RRAGB: variants seen among roughly 807,000 people sequenced by gnomAD.
The protein encoded by RRAGB is ras-related GTP-binding protein B.
A neutral mutation model predicts 29.3 loss-of-function variants in RRAGB; 6 were observed. That is an observed-to-expected ratio of 0.21 (90% CI 0.11 to 0.40). The LOEUF is 0.40. Among genes scored for constraint, RRAGB ranks in the 10% least tolerant of loss-of-function variants. RRAGB has a pLI of 1.00. For synonymous variants in RRAGB, 101 were observed against 92.5 expected, an observed-to-expected ratio of 1.09 and a Z score of -0.53; for missense variants, 184 against 272.9, an observed-to-expected ratio of 0.67 and a Z score of 2.29.
At chrX:55,737,736 C>T (rs1264758690) in intron 5 of RRAGB, among the ~76,000 whole-genome samples, 1 of 112,762 alleles carries the variant, frequency 8.9e-6, no homozygotes, top group African/African-American at 3.2e-5. Context: ...CGCATCTGGT[C>T]TAGCCGCCTT....
chrX:55,719,463 GGTCT>G (rs1449627057), intron 2 of RRAGB, 116 bp downstream of exon 2: 7 of 481,854 alleles, frequency 1.5e-5, no homozygotes, highest in Non-Finnish European at 2.3e-5. Context: ...CCTTCTGTGT[GGTCT>G]GTCTGACTCT....
intron 5 of RRAGB, among the ~76,000 whole-genome samples, chrX:55,747,558 C>T (rs758820004): frequency 8.9e-6 from 1 of 111,836 alleles, no homozygotes; most frequent in Non-Finnish European, 1.9e-5. Flanking sequence ...ATCAGCCAGC[C>T]AATCTCATAT....
intron 5 of RRAGB, among the ~76,000 whole-genome samples, chrX:55,733,410 C>T (rs758745239): frequency 1.8e-5 from 2 of 112,039 alleles, no homozygotes; most frequent in East Asian, 5.6e-4. Context: ...AAACTTATCT[C>T]CATTCATTTT....
At chrX:55,739,816 GA>G (rs201050862) in intron 5 of RRAGB, among the ~76,000 whole-genome samples, 37 of 107,060 alleles carry the variant, frequency 3.5e-4, no homozygotes, top group African/African-American at 1.1e-3. Flanking sequence ...TACCATCTTG[GA>G]AAAAAAAAAT....
intron 2 of RRAGB, among the ~76,000 whole-genome samples, chrX:55,719,887 G>A (rs1375743219): frequency 2.7e-5 from 3 of 112,222 alleles, no homozygotes; most frequent in Non-Finnish European, 5.6e-5. Context: ...TAAGAGTGCA[G>A]CTCAAGCTAA....
intron 5 of RRAGB, among the ~76,000 whole-genome samples, chrX:55,741,444 T>A (rs910992606): frequency 2.7e-5 from 3 of 112,217 alleles, no homozygotes; most frequent in African/African-American, 9.7e-5. Flanking sequence ...AAACAGCAAG[T>A]AATAAGTCAT....
At chrX:55,750,989 C>T (rs2034507276) in intron 5 of RRAGB, 112 bp from the exon 6 acceptor site, 1 of 484,340 alleles carries the variant, frequency 2.1e-6, no homozygotes, top group Admixed American at 4.4e-5. Flanking sequence ...CTTAAAATTC[C>T]TCTTAGAAAG....
At chrX:55,733,780 T>C (rs771349612) in intron 5 of RRAGB, among the ~76,000 whole-genome samples, 37 of 111,433 alleles carry the variant, frequency 3.3e-4, no homozygotes, top group Non-Finnish European at 6.8e-4. Context: ...TTATGTCCTT[T>C]CGTGGCTTTG....
At chrX:55,735,853 T>G (rs1389642720) in intron 5 of RRAGB, among the ~76,000 whole-genome samples, 1 of 112,587 alleles carries the variant, frequency 8.9e-6, no homozygotes, top group Admixed American at 9.4e-5. Context: ...ACTTCATTTC[T>G]CTTTCACATA....
intron 9 of RRAGB, 78 bp downstream of exon 9, chrX:55,757,409 G>A: frequency 2.0e-6 from 1 of 512,435 alleles, no homozygotes; most frequent in South Asian, 5.4e-5. Flanking sequence ...TACTTTATTA[G>A]ATACTTAAAA....
chrX:55,745,691 T>C (rs1270494768), intron 5 of RRAGB, among the ~76,000 whole-genome samples: 1 of 112,305 alleles, frequency 8.9e-6, no homozygotes, highest in Non-Finnish European at 1.9e-5. Flanking sequence ...ACCATTTTCC[T>C]AGGTAGAGGT....
At chrX:55,730,648 T>TGAA (rs1480030421) in intron 4 of RRAGB, among the ~76,000 whole-genome samples, 1 of 111,830 alleles carries the variant, frequency 8.9e-6, no homozygotes, top group Non-Finnish European at 1.9e-5. Flanking sequence ...GTCATTTTAA[T>TGAA]GTAGTTTAGA....
rs1203959260 is a variant in RRAGB, at chrX:55,718,260, C to CA, written c.-65dup. ...GTTGAGGGGTGAAAAAGAAAACAAA[C>CA]AAACAACAACAACAAACCCTGAAGA... On this transcript the variant is annotated 5_prime_UTR_variant, in exon 1 of 10. Transcript: ENST00000374941. 9.2e-6 allele frequency: 8 copies of CA among 868,794 alleles called. No individual in the cohort carries two copies. The African/African-American group carries it at 1.6e-4, about 17-fold the overall frequency. 71.6% of individuals were successfully genotyped at this position (868,794 alleles called of 1,213,427 possible). A position where few individuals can be genotyped will look rare whatever the true frequency, so the allele number is the denominator to read the frequency against.
intron 5 of RRAGB, among the ~76,000 whole-genome samples, chrX:55,745,931 G>A (rs2034230263): frequency 8.9e-6 from 1 of 111,973 alleles, no homozygotes; most frequent in South Asian, 3.8e-4. Context: ...TACTTTGACT[G>A]GTGGACCACA....
chrX:55,746,751 C>T (rs190430331), intron 5 of RRAGB, among the ~76,000 whole-genome samples: 10 of 111,629 alleles, frequency 9.0e-5, no homozygotes, highest in South Asian at 7.6e-4. Flanking sequence ...AACTTCATGT[C>T]GTTTAGGCCA....
Position 55,758,259 on chromosome X carries a change from T to G in RRAGB, c.957T>G (p.Thr319=). The G allele has an allele frequency of 2.5e-6, 3 of 1,202,783 alleles. No homozygotes were observed. The highest frequency in any genetic ancestry group is 2.3e-6 in the Non-Finnish European group (2 of 888,528). Reference sequence around the variant, plus strand: ...CCCCGCCCTCAGCTTCTGCAGCTACTCTGATCAACATCCGCAATGCCAGGA... The same window carrying G: ...CCCCGCCCTCAGCTTCTGCAGCTACGCTGATCAACATCCGCAATGCCAGGA... ...MSDPSIPSAA[T]LINIRNARKH... is the part of the protein sequence containing the mutation. Residue 319 remains threonine, a synonymous_variant, in exon 10 of 10, where the codon ACT becomes ACG. Coordinates refer to ENST00000374941, the MANE Select transcript of RRAGB (RefSeq NM_006064.5).
Position 55,731,481 on chromosome X carries a change from C to T in RRAGB, c.411C>T (p.His137=), listed in dbSNP as rs747672879. The T allele has an allele frequency of 2.5e-6, 3 of 1,206,605 alleles. No homozygotes were observed. The highest frequency in any genetic ancestry group is 3.4e-6 in the Non-Finnish European group (3 of 892,473). ...GCCGCGAACTGGAAAAGGACATGCACTATTACCAATCATGCCTGGAGGCCA... is the reference window on the plus strand; with the variant it reads ...GCCGCGAACTGGAAAAGGACATGCATTATTACCAATCATGCCTGGAGGCCA... ...VESRELEKDM[H]YYQSCLEAIL... The change falls in exon 5 of 10, where the codon CAC becomes CAT. Residue 137 remains histidine (H), a synonymous_variant. Coordinates refer to ENST00000374941, the MANE Select transcript of RRAGB (RefSeq NM_006064.5).
intron 6 of RRAGB, chrX:55,752,293 C>T: frequency 2.7e-6 from 2 of 751,877 alleles, no homozygotes; most frequent in African/African-American, 2.3e-5. Context: ...GAACCAACTG[C>T]GGTGTGAAGG....
chrX:55,729,451 A>G (rs2033597833), intron 4 of RRAGB, 91 bp downstream of exon 4: 2 of 520,564 alleles, frequency 3.8e-6, no homozygotes, highest in African/African-American at 2.3e-5. Context: ...TAGAGTAACT[A>G]TCATTTGTAA....
Sources: gnomAD v4.1 joint callset for allele counts (sites outside exome capture counted in the v4.1 genomes callset) on GRCh38, gnomAD v4.1.1 for gene constraint, MANE v1.5 for transcripts, NCBI Gene and HGNC (gene_info 2026-07-23, HGNC 2026-07-21) for gene names.